Variants in GLI2 observed in about 807,000 individuals in gnomAD.
GLI2 encodes GLI family zinc finger 2.
GLI2 carries 22 observed loss-of-function variants against 78.9 expected under a neutral mutation model. That is an observed-to-expected ratio of 0.28 (90% CI 0.20 to 0.40). The LOEUF (loss-of-function observed/expected upper bound fraction) is 0.40. GLI2 is among the 10% of genes least tolerant of loss of function. The probability of loss-of-function intolerance (pLI) is 1.00; values close to 1 mark genes in which losing one functional copy is unlikely to be tolerated. For missense variants in GLI2, 2,097 were observed against 2,213.2 expected (o/e 0.95, Z 1.05); for synonymous variants, 974 against 963.7 (o/e 1.01, Z -0.20).
intron 11 of GLI2, among the ~76,000 whole-genome samples, chr2:120,983,946 G>GGGTGTGTGTGTGTGTGTGTGT (rs112474343): frequency 1.4e-5 from 2 of 143,124 alleles, no homozygotes; most frequent in East Asian, 4.2e-4. Context: ...TGGTGTGTGG[G>GGGTGTGTGTGTGTGTGTGTGT]GTGTGTGTGT....
At chr2:120,852,496 C>T (rs1249963581) in intron 2 of GLI2, among the ~76,000 whole-genome samples, 1 of 152,124 alleles carries the variant, frequency 6.6e-6, no homozygotes, top group African/African-American at 2.4e-5. Flanking sequence ...CCAATGAAGT[C>T]GAGGCAGGAC....
chr2:120,916,259 A>G (rs2104829955), intron 2 of GLI2, among the ~76,000 whole-genome samples: 1 of 152,330 alleles, frequency 6.6e-6, no homozygotes, highest in East Asian at 1.9e-4. Context: ...CCTCTCGAGG[A>G]CGCCAGCAAG....
At chr2:120,757,731 C>T (rs1683075497) in intron 1 of GLI2, among the ~76,000 whole-genome samples, 1 of 152,236 alleles carries the variant, frequency 6.6e-6, no homozygotes, top group Non-Finnish European at 1.5e-5. Flanking sequence ...AACTCCATCT[C>T]CATCTCCTTA....
chr2:120,989,640 C>T lies in GLI2; in HGVS notation c.3675C>T (p.Ser1225=), dbSNP rs775121883. ...GTCCTGGCATGACTACCACTATGAGCCCCCATGCCTGCTATGGCCAAGTCC... is the reference window on the plus strand; with the variant it reads ...GTCCTGGCATGACTACCACTATGAGTCCCCATGCCTGCTATGGCCAAGTCC... ...SQCPGMTTTM[S]PHACYGQVHP... Residue 1225 remains serine (S), a synonymous_variant, in exon 14 of 14, where the codon AGC becomes AGT. Coordinates refer to ENST00000361492, the MANE Select transcript of GLI2 (RefSeq NM_001374353.1). The T allele has an allele frequency of 6.2e-6, 10 of 1,613,186 alleles. No individual in the cohort carries two copies. The highest frequency in any genetic ancestry group is 1.6e-4 in the Middle Eastern group (1 of 6,084).
At chr2:120,785,373 A>G (rs1397748070) in intron 1 of GLI2, among the ~76,000 whole-genome samples, 1 of 152,176 alleles carries the variant, frequency 6.6e-6, no homozygotes, top group Non-Finnish European at 1.5e-5. Flanking sequence ...TCTACTGGCC[A>G]GGGTGGTGCT....
chr2:120,777,056 G>A (rs541345563), intron 1 of GLI2, among the ~76,000 whole-genome samples: 36 of 152,354 alleles, frequency 2.4e-4, no homozygotes, highest in African/African-American at 7.7e-4. Flanking sequence ...GTGTGCACGC[G>A]TGTGTGTGAG....
intron 2 of GLI2, among the ~76,000 whole-genome samples, chr2:120,860,091 C>T (rs1011395592): frequency 1.3e-5 from 2 of 152,184 alleles, no homozygotes; most frequent in Admixed American, 6.5e-5. Flanking sequence ...GGCAGGTGCA[C>T]GCCCTCCTCC....
chr2:120,970,289 G>A (rs1682075992), intron 6 of GLI2, 104 bp from the exon 7 acceptor site: 1 of 694,306 alleles, frequency 1.4e-6, no homozygotes, highest in Non-Finnish European at 2.6e-6. Context: ...CTAGCAACAT[G>A]CTCATCCCTA....
intron 2 of GLI2, among the ~76,000 whole-genome samples, chr2:120,880,881 C>T (rs1400928444): frequency 1.3e-5 from 2 of 152,186 alleles, no homozygotes; most frequent in Non-Finnish European, 2.9e-5. Flanking sequence ...CCCAGCATAG[C>T]ATCTACCTAG....
chr2:120,829,032 TACTCACACACCACATGCTCAC>T (rs1686224207), intron 2 of GLI2, among the ~76,000 whole-genome samples: 1 of 152,048 alleles, frequency 6.6e-6, no homozygotes. Context: ...CTGTCACTCA[TACTCACACACCACATGCTCAC>T]AGTCACACAC....
At chr2:120,778,521 AG>A (rs1210976449) in intron 1 of GLI2, among the ~76,000 whole-genome samples, 1 of 152,136 alleles carries the variant, frequency 6.6e-6, no homozygotes, top group African/African-American at 2.4e-5. Context: ...GTGAACGGTG[AG>A]GGCAGGTGCT....
At chr2:120,943,158 G>A (rs1222363848) in intron 3 of GLI2, among the ~76,000 whole-genome samples, 1 of 152,230 alleles carries the variant, frequency 6.6e-6, no homozygotes, top group Non-Finnish European at 1.5e-5. Flanking sequence ...GCTCAGGTCA[G>A]AGGAAGGAGC....
At chr2:120,773,444 T>C (rs1199238222) in intron 1 of GLI2, among the ~76,000 whole-genome samples, 1 of 152,062 alleles carries the variant, frequency 6.6e-6, no homozygotes, top group Non-Finnish European at 1.5e-5. Context: ...GGAAAGCCGT[T>C]GGGGGCTCCT....
In GLI2 at chr2:120,990,742, G is replaced by C; in HGVS notation, c.*67G>C. ...CGCTGCCCAGAGCCTGGGGATTCCAGCTGTCTTGTCTTTTTCCAAAAAAGT... is the reference window on the plus strand; with the variant it reads ...CGCTGCCCAGAGCCTGGGGATTCCACCTGTCTTGTCTTTTTCCAAAAAAGT... On this transcript the variant is annotated 3_prime_UTR_variant, in exon 14 of 14. Coordinates refer to ENST00000361492, the MANE Select transcript of GLI2 (RefSeq NM_001374353.1). 7.2e-7 allele frequency: 1 copy of C among 1,380,558 alleles called. No individual in the cohort carries two copies. The allele number at this position is 1,380,558 out of a possible 1,614,324, so 85.5% of individuals were successfully genotyped here.
intron 1 of GLI2, among the ~76,000 whole-genome samples, chr2:120,792,896 C>T (rs1055957709): frequency 6.6e-6 from 1 of 152,232 alleles, no homozygotes; most frequent in Admixed American, 6.5e-5. Flanking sequence ...GCTGGGATTA[C>T]AGGCATGAGC....
At chr2:120,779,233 G>A (rs1186042208) in intron 1 of GLI2, among the ~76,000 whole-genome samples, 1 of 152,184 alleles carries the variant, frequency 6.6e-6, no homozygotes, top group South Asian at 2.1e-4. Context: ...CAGGAGGCTT[G>A]AGCTGTTTTT....
intron 1 of GLI2, among the ~76,000 whole-genome samples, chr2:120,765,793 C>A (rs561421266): frequency 6.6e-6 from 1 of 152,332 alleles, no homozygotes; most frequent in East Asian, 1.9e-4. Flanking sequence ...GCCCATCAGG[C>A]GTCTTTGAGA....
chr2:120,860,342 A>G (rs1687848403), intron 2 of GLI2, among the ~76,000 whole-genome samples: 2 of 152,084 alleles, frequency 1.3e-5, no homozygotes, highest in Admixed American at 1.3e-4. Flanking sequence ...CCTATCACCT[A>G]CCCTGGGCTT....
At chr2:120,817,748 G>A (rs1271093996) in intron 2 of GLI2, among the ~76,000 whole-genome samples, 1 of 152,110 alleles carries the variant, frequency 6.6e-6, no homozygotes, top group Non-Finnish European at 1.5e-5. Flanking sequence ...GATGTCCCAG[G>A]CTGTGTACAC....
Sources: gnomAD v4.1 joint callset for allele counts (sites outside exome capture counted in the v4.1 genomes callset) on GRCh38, gnomAD v4.1.1 for gene constraint, MANE v1.5 for transcripts, NCBI Gene and HGNC (gene_info 2026-07-23, HGNC 2026-07-21) for gene names.